Variants in CHD6 observed in about 807,000 individuals in gnomAD.
CHD6 encodes the protein ATP-dependent chromatin remodeler CHD6.
CHD6 carries 50 observed loss-of-function variants against 276.9 expected under a neutral mutation model. The observed-to-expected ratio is 0.18, with a 90% confidence interval of 0.14 to 0.23. The LOEUF (loss-of-function observed/expected upper bound fraction) is 0.23. Ranked by LOEUF, CHD6 falls within the 10% of genes least tolerant of loss-of-function variation. The pLI is 1.00. For synonymous variants in CHD6, 1,173 were observed against 1,229.3 expected (o/e 0.95, Z 0.96); for missense variants, 2,564 against 3,365.8 (o/e 0.76, Z 5.89).
rs554992496 is a variant in CHD6, at chr20:41,483,509, C to T, written c.2268G>A (p.Glu756=). Residue 756 remains glutamate, a synonymous_variant, in exon 16 of 37, where the codon GAG becomes GAA. Coordinates refer to ENST00000373233, the MANE Select transcript of CHD6 (RefSeq NM_032221.5). ...TTTTTCGGAAATCTTCTAGAATTTT[C>T]TCCTCTGCTCCTGAAAAGGAATGGA... The part of the protein sequence containing the change: ...NHPYLINGAE[E]KILEDFRKTH... The T allele has an allele frequency of 5.0e-6, 8 of 1,610,714 alleles. No individual in the cohort carries two copies. In the East Asian group the frequency reaches 1.8e-4, roughly 36 times the overall value.
Position 41,585,278 on chromosome 20 carries a change from C to T in CHD6, c.-24+33062G>A, listed in dbSNP as rs577611143. Reference sequence around the variant, plus strand: ...CAGCACTTTGGGAGGCCGAGGCAGGCGGATCACCTGAGGTTGGGAGTTCAA... The same window carrying T: ...CAGCACTTTGGGAGGCCGAGGCAGGTGGATCACCTGAGGTTGGGAGTTCAA... On this transcript the variant is annotated intron_variant, in intron 1 of 36. Coordinates refer to ENST00000373233, the MANE Select transcript of CHD6 (RefSeq NM_032221.5). Among the ~76,000 whole-genome samples the T allele has an allele frequency of 5.3e-5, 8 of 152,092 alleles. No individual in the cohort carries two copies. The East Asian group carries it at 5.8e-4, about 11-fold the overall frequency.
At chr20:41,589,089 G>T (rs4810325) in intron 1 of CHD6, among the ~76,000 whole-genome samples, 20,170 of 151,936 alleles carry the variant, frequency 0.13, 1,548 homozygotes, top group South Asian at 0.19. Flanking sequence ...ACGTAATCTG[G>T]CATATAAACA....
At chr20:41,537,393 T>C (rs2044855484) in intron 2 of CHD6, among the ~76,000 whole-genome samples, 1 of 152,226 alleles carries the variant, frequency 6.6e-6, no homozygotes, top group Non-Finnish European at 1.5e-5. Flanking sequence ...TTAGGTCTTG[T>C]AAGTAACCTA....
At chr20:41,412,821 C>T (rs763179270) in intron 35 of CHD6, among the ~76,000 whole-genome samples, 5 of 152,138 alleles carry the variant, frequency 3.3e-5, no homozygotes, top group African/African-American at 4.8e-5. Flanking sequence ...AAAGACAGTA[C>T]GATGACTTGA....
chr20:41,504,164 T>C (rs1476198046), intron 5 of CHD6, among the ~76,000 whole-genome samples: 4 of 151,326 alleles, frequency 2.6e-5, no homozygotes, highest in Admixed American at 1.3e-4. Flanking sequence ...GCTTTTACCT[T>C]TTGCTCTGTT....
chr20:41,440,736 A>G (rs553152806), intron 25 of CHD6, among the ~76,000 whole-genome samples: 1 of 152,328 alleles, frequency 6.6e-6, no homozygotes, highest in Admixed American at 6.5e-5. Context: ...GAAGCAAAAC[A>G]ATTTTAAAAA....
At chr20:41,573,770 T>G (rs1185729289) in intron 1 of CHD6, among the ~76,000 whole-genome samples, 1 of 152,220 alleles carries the variant, frequency 6.6e-6, no homozygotes, top group Non-Finnish European at 1.5e-5. Flanking sequence ...ACAATCTATT[T>G]CATAAAGTAA....
At chr20:41,451,237 GC>G in intron 22 of CHD6, 132 bp from the exon 23 acceptor site, 2 of 712,186 alleles carry the variant, frequency 2.8e-6, no homozygotes, top group Non-Finnish European at 4.7e-6. Flanking sequence ...CTACTCCTTA[GC>G]CCACAGGTGG....
chr20:41,465,294 T>C (rs1053572357), intron 17 of CHD6, among the ~76,000 whole-genome samples: 2 of 152,198 alleles, frequency 1.3e-5, no homozygotes, highest in Admixed American at 1.3e-4. Context: ...CAAAGTTACA[T>C]CACGAGTAAT....
intron 5 of CHD6, among the ~76,000 whole-genome samples, chr20:41,509,866 G>A (rs1249829887): frequency 6.6e-6 from 1 of 152,170 alleles, no homozygotes; most frequent in Non-Finnish European, 1.5e-5. Flanking sequence ...GTGGTATGGA[G>A]TGCAAAGCAG....
intron 32 of CHD6, 81 bp downstream of exon 32, chr20:41,417,117 T>A (rs770240423): frequency 3.0e-5 from 39 of 1,298,406 alleles, no homozygotes; most frequent in Non-Finnish European, 4.1e-5. Context: ...TGTTCAGAAC[T>A]ATTTCTAAAA....
At chr20:41,458,785 G>GT (rs1449320454) in intron 17 of CHD6, among the ~76,000 whole-genome samples, 1 of 152,070 alleles carries the variant, frequency 6.6e-6, no homozygotes, top group Non-Finnish European at 1.5e-5. Flanking sequence ...TAGCGGGAAT[G>GT]TTTTTTCTCC....
At chr20:41,598,837 T>C (rs758829005) in intron 1 of CHD6, among the ~76,000 whole-genome samples, 2 of 152,196 alleles carry the variant, frequency 1.3e-5, no homozygotes, top group Non-Finnish European at 2.9e-5. Flanking sequence ...TGGACCACTA[T>C]TGGGTACTCT....
Position 41,405,373 on chromosome 20 carries a change from A to C in CHD6, c.7368T>G (p.Ile2456Met), listed in dbSNP as rs754315202. The C allele has an allele frequency of 6.2e-7, 1 of 1,614,236 alleles. No homozygotes were observed. The highest frequency in any genetic ancestry group is 1.1e-5 in the South Asian group (1 of 91,090). ...PRSELLKAPS[I>M]VADSPSGMGP... ...CCATTCCAGAGGGAGAGTCTGCCAC[A>C]ATGGAAGGAGCCTTCAGGAGTTCGC... Residue 2456 changes from isoleucine to methionine, a missense_variant, in exon 37 of 37, where the codon ATT (isoleucine) becomes ATG (methionine). Around this residue, in one of 7 missense-constraint regions of CHD6, gnomAD observed 1,024 missense variants for 1,047.9 expected, o/e 0.98. Coordinates refer to ENST00000373233, the MANE Select transcript of CHD6 (RefSeq NM_032221.5).
In CHD6 at chr20:41,473,665, C is replaced by T; in HGVS notation, c.2469-148G>A. 3.2e-6 allele frequency: 2 copies of T among 631,408 alleles called. No homozygotes were observed. Among genetic ancestry groups the T allele is most frequent in the Admixed American group, 2.8e-5 (1 of 35,118 alleles). 39.1% of individuals were successfully genotyped at this position (631,408 alleles called of 1,614,324 possible). A position where few individuals can be genotyped will look rare whatever the true frequency, so the allele number is the denominator to read the frequency against. ...TGACAGCAGTCTAGAAGGAATCCTG[C>T]CCCCTACATATGCAGCAGGGCAGAC... On this transcript the variant is annotated intron_variant, in intron 16 of 36. Coordinates refer to ENST00000373233, the MANE Select transcript of CHD6 (RefSeq NM_032221.5). The surrounding 1 kb of genome is among the most constrained non-coding windows in gnomAD (Gnocchi z 4.1).
At chr20:41,556,113 G>A (rs1334948479) in intron 1 of CHD6, among the ~76,000 whole-genome samples, 3 of 152,324 alleles carry the variant, frequency 2.0e-5, no homozygotes, top group South Asian at 2.1e-4. Flanking sequence ...CCAGTCAGGC[G>A]TGGCGGCGCG....
Position 41,402,545 on chromosome 20 carries a change from C to G in CHD6, c.*2048G>C, listed in dbSNP as rs2046563531. On this transcript the variant is annotated 3_prime_UTR_variant, in exon 37 of 37. Coordinates refer to ENST00000373233, the MANE Select transcript of CHD6 (RefSeq NM_032221.5). Reference sequence around the variant, plus strand: ...CACAACGACAACAAAGAAAACCAGACTCTGCTGGATGTCTATAATACTCAT... The same window carrying G: ...CACAACGACAACAAAGAAAACCAGAGTCTGCTGGATGTCTATAATACTCAT... 1 of 230,260 alleles carries G rather than the reference C, an allele frequency of 4.3e-6. No individual in the cohort carries two copies. The highest frequency in any genetic ancestry group is 8.6e-6 in the Non-Finnish European group (1 of 116,272). 14.3% of individuals were successfully genotyped at this position (230,260 alleles called of 1,614,324 possible).
intron 36 of CHD6, 121 bp downstream of exon 36, chr20:41,412,023 C>T (rs980990447): frequency 7.1e-7 from 1 of 1,411,926 alleles, no homozygotes; most frequent in Non-Finnish European, 9.6e-7. Flanking sequence ...GGCTTCTAGT[C>T]CTCTTGAAAG....
At position 41,425,393 on chromosome 20, in the gene CHD6, G is replaced by A; in HGVS notation, c.4131C>T (p.Ala1377=). ...ATTTGTCTGGGTCGGAGCCATCCTGGGCTTCAAACATCAGTGAGGATATTA... is the reference window on the plus strand; with the variant it reads ...ATTTGTCTGGGTCGGAGCCATCCTGAGCTTCAAACATCAGTGAGGATATTA... The part of the protein sequence containing the change: ...FSEKKDDSRA[A]QDGSDPDKSP... The change falls in exon 29 of 37, where the codon GCC becomes GCT. Residue 1377 remains alanine, a splice_region_variant and synonymous_variant. Transcript: ENST00000373233. 6.2e-7 allele frequency: 1 copy of A among 1,613,154 alleles called. No homozygotes were observed. The highest frequency in any genetic ancestry group is 8.5e-7 in the Non-Finnish European group (1 of 1,179,644).
Sources: allele counts gnomAD v4.1 joint callset (sites outside exome capture counted in the v4.1 genomes callset), GRCh38; gene constraint gnomAD v4.1.1; regional missense constraint gnomAD v4.1.1; non-coding constraint Gnocchi (gnomAD v3.1); transcripts MANE v1.5; gene names NCBI Gene and HGNC (gene_info 2026-07-23, HGNC 2026-07-21).